VEPH1: variants seen among roughly 807,000 people sequenced by gnomAD.
VEPH1 encodes ventricular zone-expressed PH domain-containing protein homolog 1.
In VEPH1, 80 loss-of-function variants were observed where a neutral mutation model predicts 85.2. The observed-to-expected ratio is 0.94, with a 90% CI of 0.78 to 1.13. The LOEUF (loss-of-function observed/expected upper bound fraction) is 1.13. Ranked by LOEUF, VEPH1 falls within the 50% of genes most tolerant of loss-of-function variation. VEPH1 has a pLI of 0.00. For synonymous variants in VEPH1, 297 were observed against 348.0 expected (o/e 0.85, Z 1.63); for missense variants, 955 against 980.5 (o/e 0.97, Z 0.35).
chr3:157,426,655 G>C (rs9289982), intron 5 of VEPH1, among the ~76,000 whole-genome samples: 90,139 of 151,962 alleles, frequency 0.59, 26,959 homozygotes, highest in East Asian at 0.68. Flanking sequence ...AACCTTTGCT[G>C]TCACTATAGG....
At chr3:157,305,059 T>TCTATCTATCTATCTATCTTC (rs1719318770) in intron 11 of VEPH1, among the ~76,000 whole-genome samples, 1 of 149,042 alleles carries the variant, frequency 6.7e-6, no homozygotes, top group African/African-American at 2.5e-5. Flanking sequence ...TATCTATCTA[T>TCTATCTATCTATCTATCTTC]CTATCTATCT....
At chr3:157,352,588 C>G (rs188483438) in intron 9 of VEPH1, among the ~76,000 whole-genome samples, 152 of 152,232 alleles carry the variant, frequency 1.0e-3, no homozygotes, top group Non-Finnish European at 1.6e-3. Context: ...CTGATGAATG[C>G]AGATGTCTAG....
chr3:157,450,282 C>T (rs1400020055), intron 4 of VEPH1, among the ~76,000 whole-genome samples: 3 of 151,818 alleles, frequency 2.0e-5, no homozygotes, highest in Non-Finnish European at 4.4e-5. Flanking sequence ...GTCTTGAACT[C>T]CTGAGCTCAA....
At chr3:157,454,406 T>C (rs935620064) in intron 4 of VEPH1, among the ~76,000 whole-genome samples, 1 of 152,144 alleles carries the variant, frequency 6.6e-6, no homozygotes, top group East Asian at 1.9e-4. Context: ...TGGTCAGCAG[T>C]CTTGCAATGG....
chr3:157,449,497 T>C (rs1000353820), intron 4 of VEPH1, among the ~76,000 whole-genome samples: 2 of 152,224 alleles, frequency 1.3e-5, no homozygotes, highest in African/African-American at 2.4e-5. Flanking sequence ...GATTTGTTTC[T>C]TGCTTCTCTG....
intron 9 of VEPH1, among the ~76,000 whole-genome samples, chr3:157,352,990 T>C (rs73873646): frequency 1.4e-3 from 214 of 152,288 alleles, no homozygotes; most frequent in African/African-American, 4.7e-3. Flanking sequence ...GGCTCTGTAA[T>C]ATACTCTTGG....
chr3:157,437,591 A>T, intron 4 of VEPH1: 1 of 1,583,394 alleles, frequency 6.3e-7, no homozygotes. Context: ...CAGATGAGAG[A>T]GCGCATGCTG....
chr3:157,264,103 T>C (rs1401500808), intron 13 of VEPH1, among the ~76,000 whole-genome samples: 3 of 152,228 alleles, frequency 2.0e-5, no homozygotes, highest in East Asian at 3.8e-4. Context: ...ATGCAATCTA[T>C]TGGGGACCTG....
At chr3:157,337,096 A>G (rs1012104408) in intron 9 of VEPH1, among the ~76,000 whole-genome samples, 11 of 150,992 alleles carry the variant, frequency 7.3e-5, no homozygotes, top group African/African-American at 2.4e-4. Flanking sequence ...AGGAAATGCC[A>G]TAGGCATTTT....
intron 2 of VEPH1, among the ~76,000 whole-genome samples, chr3:157,473,019 A>AT (rs1188680835): frequency 8.2e-6 from 1 of 122,252 alleles, no homozygotes; most frequent in Non-Finnish European, 1.8e-5. Flanking sequence ...TTAACAAAAT[A>AT]TTTTTTCTCA....
chr3:157,282,875 A>G (rs1716316572), intron 12 of VEPH1, among the ~76,000 whole-genome samples: 1 of 152,224 alleles, frequency 6.6e-6, no homozygotes, highest in South Asian at 2.1e-4. Flanking sequence ...GAATAACAAG[A>G]TCTGCAATAA....
intron 2 of VEPH1, among the ~76,000 whole-genome samples, chr3:157,480,748 G>T (rs1737964874): frequency 6.6e-6 from 1 of 152,066 alleles, no homozygotes; most frequent in Non-Finnish European, 1.5e-5. Context: ...GAATAGTGCT[G>T]CAATGAACAT....
rs543703432 is a variant in VEPH1, at chr3:157,475,413, T to A, written c.139-4884A>T. ...AAAAAATAGGTGCATTTTACCCATTTATATAAAGTGATATGATAGATACAT... is the reference window on the plus strand; with the variant it reads ...AAAAAATAGGTGCATTTTACCCATTAATATAAAGTGATATGATAGATACAT... On this transcript the variant is annotated intron_variant, in intron 2 of 13. Coordinates refer to ENST00000362010, the MANE Select transcript of VEPH1 (RefSeq NM_001167912.2). 4.6e-5 allele frequency among the ~76,000 whole-genome samples: 7 copies of A among 152,340 alleles called. No homozygotes were observed. In the South Asian group the frequency reaches 1.2e-3, roughly 27 times the overall value.
Position 157,262,720 on chromosome 3 carries a change from C to T in VEPH1, c.2266-1350G>A, listed in dbSNP as rs147699230. 2.6e-5 allele frequency among the ~76,000 whole-genome samples: 4 copies of T among 152,196 alleles called. No homozygotes were observed. In the East Asian group the frequency reaches 7.7e-4, roughly 29 times the overall value. ...TTTACAATTCAACAGAAATTACAGT[C>T]CGGGCAAATGTTTAAACTTATGATA... On this transcript the variant is annotated intron_variant, in intron 13 of 13. Coordinates refer to ENST00000362010, the MANE Select transcript of VEPH1 (RefSeq NM_001167912.2).
chr3:157,445,164 C>T (rs1341686424), intron 4 of VEPH1, among the ~76,000 whole-genome samples: 5 of 152,198 alleles, frequency 3.3e-5, no homozygotes, highest in Admixed American at 6.5e-5. Context: ...TGCAACAATA[C>T]AGAAGAAGCA....
chr3:157,291,420 A>G lies in VEPH1; in HGVS notation c.2011-4746T>C, dbSNP rs16827434. 2.9e-3 allele frequency among the ~76,000 whole-genome samples: 435 copies of G among 152,332 alleles called. 3 individuals are homozygous for G. The highest frequency in any genetic ancestry group is 0.01 in the African/African-American group (417 of 41,584). On this transcript the variant is annotated intron_variant, in intron 11 of 13. Transcript: ENST00000362010. ...GTTGAATAAATAAACAGCAAAAGAGACTTTAAAGAATATCCATGCCACAAT... is the reference window on the plus strand; with the variant it reads ...GTTGAATAAATAAACAGCAAAAGAGGCTTTAAAGAATATCCATGCCACAAT...
intron 4 of VEPH1, chr3:157,459,767 T>C (rs1351732797): frequency 2.1e-6 from 3 of 1,455,584 alleles, no homozygotes; most frequent in East Asian, 2.5e-5. Context: ...TTTTCTGATG[T>C]ATTTTATCTA....
At chr3:157,314,330 C>CAAAAAAAAAAAAAAAAAAAAAAAAAAAA in intron 10 of VEPH1, among the ~76,000 whole-genome samples, 1 of 43,198 alleles carries the variant, frequency 2.3e-5, no homozygotes, top group Non-Finnish European at 6.3e-5. Flanking sequence ...GAGGATCCGT[C>CAAAAAAAAAAAAAAAAAAAAAAAAAAAA]AAAAAAAAAA....
chr3:157,340,742 A>G (rs1339413315), intron 9 of VEPH1, among the ~76,000 whole-genome samples: 1 of 152,162 alleles, frequency 6.6e-6, no homozygotes, highest in East Asian at 1.9e-4. Context: ...TGGATCCCTG[A>G]CCCCTGAGTA....
Sources: gnomAD v4.1 joint callset for allele counts (sites outside exome capture counted in the v4.1 genomes callset) on GRCh38, gnomAD v4.1.1 for gene constraint, MANE v1.5 for transcripts, NCBI Gene and HGNC (gene_info 2026-07-23, HGNC 2026-07-21) for gene names.